The following TSHR variants were observed in gnomAD, a reference collection of about 807,000 sequenced individuals.
The protein encoded by TSHR is thyroid stimulating hormone receptor.
TSHR carries 51 observed loss-of-function variants against 64.1 expected under a neutral mutation model. The ratio of observed to expected loss-of-function variants is 0.80; its 90% confidence interval spans 0.64 to 1.01. The LOEUF (loss-of-function observed/expected upper bound fraction) is 1.01. TSHR is among the 50% of genes least tolerant of loss of function. The probability of loss-of-function intolerance (pLI) is 0.00; values close to 1 mark genes in which losing one functional copy is unlikely to be tolerated. For synonymous variants in TSHR, 361 were observed against 361.9 expected (o/e 1.00, Z 0.03); for missense variants, 877 against 942.8 (o/e 0.93, Z 0.91).
At chr14:81,030,071 G>A (rs1280790891) in intron 1 of TSHR, among the ~76,000 whole-genome samples, 5 of 152,146 alleles carry the variant, frequency 3.3e-5, no homozygotes, top group African/African-American at 9.7e-5. Flanking sequence ...AGAAACTTAG[G>A]ACCTACAATT....
intron 7 of TSHR, among the ~76,000 whole-genome samples, chr14:81,098,648 G>A (rs931657784): frequency 1.3e-5 from 2 of 152,128 alleles, no homozygotes; most frequent in Non-Finnish European, 2.9e-5. Context: ...TAGACATAGA[G>A]TGCACCAAAA....
chr14:81,083,040 A>G (rs2139952111), intron 3 of TSHR, among the ~76,000 whole-genome samples: 1 of 146,098 alleles, frequency 6.8e-6, no homozygotes, highest in Non-Finnish European at 1.5e-5. Flanking sequence ...AAAAAAAAAA[A>G]GTCTTCCTTA....
At chr14:81,023,167 C>T (rs1313721221) in intron 1 of TSHR, among the ~76,000 whole-genome samples, 16 of 152,282 alleles carry the variant, frequency 1.1e-4, no homozygotes, top group Non-Finnish European at 5.9e-5. Flanking sequence ...GCAGATTGAC[C>T]TGAATAGGCT....
At chr14:81,104,508 G>T in intron 7 of TSHR, 51 of 985,360 alleles carry the variant, frequency 5.2e-5, no homozygotes, top group Non-Finnish European at 6.1e-5. Context: ...CATAGATCAC[G>T]TCTTTCTAAA....
At chr14:81,036,050 A>G (rs1884607622) in intron 1 of TSHR, among the ~76,000 whole-genome samples, 2 of 152,150 alleles carry the variant, frequency 1.3e-5, no homozygotes, top group African/African-American at 2.4e-5. Context: ...GATCCAAAAG[A>G]AAAAAGAATA....
intron 3 of TSHR, among the ~76,000 whole-genome samples, chr14:81,085,429 G>A (rs1888220367): frequency 6.6e-6 from 1 of 152,054 alleles, no homozygotes; most frequent in African/African-American, 2.4e-5. Context: ...TTTTCTTGTG[G>A]GGTCTCTCAT....
intron 1 of TSHR, chr14:80,982,792 A>T: frequency 1.8e-6 from 1 of 558,312 alleles, no homozygotes; most frequent in South Asian, 3.1e-5. Context: ...CCCTTGTAGG[A>T]ACACTAACTC....
intron 1 of TSHR, chr14:80,992,397 C>CAAAAAAAAAAAAAAAAAAAAAA (rs34821019): frequency 9.4e-6 from 1 of 106,328 alleles, no homozygotes. Context: ...GACTCTATCT[C>CAAAAAAAAAAAAAAAAAAAAAA]AAAAAAAAAA....
chr14:81,114,162 C>CT (rs1890361104), intron 8 of TSHR, among the ~76,000 whole-genome samples: 1 of 150,110 alleles, frequency 6.7e-6, no homozygotes, highest in South Asian at 2.1e-4. Flanking sequence ...AAAAGTATCA[C>CT]TGGGGGGGAG....
intron 8 of TSHR, among the ~76,000 whole-genome samples, chr14:81,133,274 A>G (rs1891324021): frequency 6.6e-6 from 1 of 152,268 alleles, no homozygotes; most frequent in Non-Finnish European, 1.5e-5. Context: ...ATACATTCAC[A>G]GAAGACAGGT....
intron 8 of TSHR, among the ~76,000 whole-genome samples, chr14:81,128,068 A>G (rs1891088697): frequency 6.6e-6 from 1 of 152,244 alleles, no homozygotes; most frequent in South Asian, 2.1e-4. Context: ...TGGAAAGTAT[A>G]GGCTTATAAG....
chr14:81,120,498 G>A (rs1890745752), intron 8 of TSHR, among the ~76,000 whole-genome samples: 1 of 152,110 alleles, frequency 6.6e-6, no homozygotes, highest in African/African-American at 2.4e-5. Context: ...TTTGTTTATA[G>A]AAACACAACT....
chr14:81,076,760 A>T (rs1887533569), intron 3 of TSHR, among the ~76,000 whole-genome samples: 2 of 152,208 alleles, frequency 1.3e-5, no homozygotes, highest in Admixed American at 1.3e-4. Flanking sequence ...TGTTTGAACT[A>T]TGATAATTTT....
At chr14:80,983,407 T>C (rs904128088) in intron 1 of TSHR, 11 of 1,159,882 alleles carry the variant, frequency 9.5e-6, no homozygotes, top group Admixed American at 7.0e-5. Context: ...ATTTTAAATA[T>C]ATCTGAAAAT....
rs1259292424 is a variant in TSHR, at chr14:81,142,972, G to A, written c.914G>A (p.Ser305Asn). ...ILESLMCNES[S>N]MQSLRQRKSV... ...GAGTCCTTGATGTGTAATGAGAGCAGTATGCAGAGCTTGCGCCAGAGAAAA... is the reference window on the plus strand; with the variant it reads ...GAGTCCTTGATGTGTAATGAGAGCAATATGCAGAGCTTGCGCCAGAGAAAA... The change falls in exon 10 of 10, where the codon AGT becomes AAT. Residue 305 changes from serine to asparagine, a missense_variant. Physicochemically the swap from Ser to Asn is conservative, Grantham distance 46 (BLOSUM62 1). Coordinates refer to ENST00000298171, the MANE Select transcript of TSHR (RefSeq NM_000369.5). The A allele has an allele frequency of 6.2e-7, 1 of 1,614,186 alleles. No individual in the cohort carries two copies. The highest frequency in any genetic ancestry group is 2.2e-5 in the East Asian group (1 of 44,876).
chr14:81,113,497 T>A (rs1053672170), intron 8 of TSHR, among the ~76,000 whole-genome samples: 1 of 152,144 alleles, frequency 6.6e-6, no homozygotes, highest in African/African-American at 2.4e-5. Flanking sequence ...GATGAGGGGA[T>A]ACAGGTATAG....
chr14:80,957,524 G>A (rs1429549518), intron 1 of TSHR, among the ~76,000 whole-genome samples: 2 of 152,036 alleles, frequency 1.3e-5, no homozygotes, highest in African/African-American at 4.8e-5. Context: ...GTCTCTGAAT[G>A]TCCACTCTAT....
chr14:81,012,706 T>C (rs1889982103), intron 1 of TSHR: 2 of 152,170 alleles, frequency 1.3e-5, no homozygotes, highest in Non-Finnish European at 2.9e-5. Context: ...GGTGAGCATT[T>C]TTTCATGTGT....
rs941416686 is a variant in TSHR, at chr14:81,122,199, T to C, written c.692+13747T>C. ...GCTGGGATTACAGGTGCCAACACCA[T>C]ACCTGGCTAATTTTTGTATTTTTAG... On this transcript the variant is annotated intron_variant, in intron 8 of 9. Transcript: ENST00000298171. 4.0e-5 allele frequency among the ~76,000 whole-genome samples: 6 copies of C among 151,084 alleles called. No homozygotes were observed. The South Asian group carries it at 1.1e-3, about 26-fold the overall frequency.
Sources: allele counts gnomAD v4.1 joint callset (sites outside exome capture counted in the v4.1 genomes callset), GRCh38; gene constraint gnomAD v4.1.1; transcripts MANE v1.5; gene names NCBI Gene and HGNC (gene_info 2026-07-23, HGNC 2026-07-21).